Variants in DCC observed in about 807,000 individuals in gnomAD.
DCC encodes the protein DCC netrin 1 receptor.
DCC carries 58 observed loss-of-function variants against 172.5 expected under a neutral mutation model. That is an observed-to-expected ratio of 0.34 (90% CI 0.27 to 0.42). DCC has a LOEUF of 0.42. Ranked by LOEUF, DCC falls within the 10% of genes least tolerant of loss-of-function variation. The pLI is 1.00. For synonymous variants in DCC, 709 were observed against 644.5 expected, an observed-to-expected ratio of 1.10 and a Z score of -1.52; for missense variants, 1,740 against 1,791.0, an observed-to-expected ratio of 0.97 and a Z score of 0.51.
chr18:52,730,474 A>G (rs938189693), intron 1 of DCC, among the ~76,000 whole-genome samples: 1 of 152,196 alleles, frequency 6.6e-6, no homozygotes, highest in African/African-American at 2.4e-5. Flanking sequence ...AAATACCTAT[A>G]TATCACCATG....
At chr18:52,830,015 A>C (rs1323119219) in intron 2 of DCC, among the ~76,000 whole-genome samples, 3 of 152,098 alleles carry the variant, frequency 2.0e-5, no homozygotes, top group African/African-American at 7.2e-5. Flanking sequence ...AGATTTCTGG[A>C]GGGATGATGC....
chr18:53,425,904 C>G (rs948621093), intron 21 of DCC, among the ~76,000 whole-genome samples: 1 of 152,078 alleles, frequency 6.6e-6, no homozygotes, highest in African/African-American at 2.4e-5. Context: ...AATAATCTTT[C>G]TAAAATATAT....
chr18:52,777,769 G>A (rs1286515786), intron 2 of DCC, among the ~76,000 whole-genome samples: 1 of 141,852 alleles, frequency 7.0e-6, no homozygotes, highest in African/African-American at 2.6e-5. Flanking sequence ...AGATCTCCAG[G>A]GAAAAAAAAA....
At chr18:52,648,854 T>C (rs1057460538) in intron 1 of DCC, among the ~76,000 whole-genome samples, 4 of 152,198 alleles carry the variant, frequency 2.6e-5, no homozygotes, top group Non-Finnish European at 4.4e-5. Context: ...CCCTTTATCA[T>C]GCAATTTTGC....
chr18:53,499,058 C>T (rs1391854276), intron 26 of DCC, among the ~76,000 whole-genome samples: 3 of 152,174 alleles, frequency 2.0e-5, no homozygotes, highest in Non-Finnish European at 4.4e-5. Flanking sequence ...ATATATTTTA[C>T]TATTCTTTCT....
chr18:53,299,857 GTCCCAGTTTACCT>G (rs2057112141), intron 12 of DCC, among the ~76,000 whole-genome samples: 1 of 152,008 alleles, frequency 6.6e-6, no homozygotes, highest in African/African-American at 2.4e-5. Context: ...AACCATTCTT[GTCCCAGTTTACCT>G]GATTTTACAA....
chr18:52,901,230 T>A (rs975115633), intron 2 of DCC, among the ~76,000 whole-genome samples: 1 of 152,078 alleles, frequency 6.6e-6, no homozygotes, highest in Non-Finnish European at 1.5e-5. Context: ...GTCAGGAGTT[T>A]GAGACAAGCC....
chr18:53,358,718 C>T (rs1285311078), intron 15 of DCC, among the ~76,000 whole-genome samples: 1 of 151,826 alleles, frequency 6.6e-6, no homozygotes, highest in Admixed American at 6.6e-5. Flanking sequence ...GATGAGGTTT[C>T]ACCATGTTGG....
At chr18:53,103,305 AG>A (rs1305821296) in intron 7 of DCC, among the ~76,000 whole-genome samples, 1 of 152,108 alleles carries the variant, frequency 6.6e-6, no homozygotes, top group African/African-American at 2.4e-5. Context: ...GAGGTTCAAA[AG>A]AATAGGGGAA....
intron 12 of DCC, among the ~76,000 whole-genome samples, chr18:53,267,201 G>A (rs886602548): frequency 6.6e-6 from 1 of 151,544 alleles, no homozygotes; most frequent in Non-Finnish European, 1.5e-5. Context: ...GACAGACATA[G>A]ACACAGACAC....
intron 25 of DCC, chr18:53,481,084 GAA>G (rs2045826305): frequency 6.6e-6 from 1 of 152,306 alleles, no homozygotes; most frequent in South Asian, 2.1e-4. Flanking sequence ...CTAAAATAGA[GAA>G]GAGAGGAGAG....
At chr18:53,074,914 A>G (rs1230199589) in intron 7 of DCC, among the ~76,000 whole-genome samples, 1 of 152,204 alleles carries the variant, frequency 6.6e-6, no homozygotes, top group East Asian at 1.9e-4. Flanking sequence ...TGTAAAATTC[A>G]GTAGATAATT....
intron 1 of DCC, among the ~76,000 whole-genome samples, chr18:52,447,331 AATC>A (rs1363876093): frequency 6.6e-6 from 1 of 152,222 alleles, no homozygotes; most frequent in Non-Finnish European, 1.5e-5. Context: ...GCCTTCAATA[AATC>A]ATCATAGTTG....
chr18:53,065,875 A>T (rs1365515684), intron 6 of DCC, among the ~76,000 whole-genome samples, 171 bp from the exon 7 acceptor site: 1 of 152,122 alleles, frequency 6.6e-6, no homozygotes, highest in Non-Finnish European at 1.5e-5. Flanking sequence ...TTGGGAAGGT[A>T]TGACTTTTCC....
chr18:52,401,939 A>G (rs1030208132), intron 1 of DCC, among the ~76,000 whole-genome samples: 3 of 151,988 alleles, frequency 2.0e-5, no homozygotes, highest in Admixed American at 6.6e-5. Flanking sequence ...CATTAATACA[A>G]CGAACTGCCT....
At chr18:53,439,763 A>ATTTTTTTT (rs1912149119) in intron 22 of DCC, among the ~76,000 whole-genome samples, 5 of 112,398 alleles carry the variant, frequency 4.4e-5, no homozygotes, top group African/African-American at 5.5e-5. Context: ...ATGTAGTAGT[A>ATTTTTTTT]TTTTTCTTTT....
intron 2 of DCC, among the ~76,000 whole-genome samples, chr18:52,798,078 A>AAGGTTGCTTGCACGAAGGTTGATTGCACG (rs1202694637): frequency 6.7e-6 from 1 of 149,990 alleles, no homozygotes; most frequent in Non-Finnish European, 1.5e-5. Flanking sequence ...TTGCTTGCAC[A>AAGGTTGCTTGCACGAAGGTTGATTGCACG]AAGGCTACAC....
At chr18:53,113,713 CTT>C (rs11309009) in intron 7 of DCC, among the ~76,000 whole-genome samples, 10 of 149,886 alleles carry the variant, frequency 6.7e-5, no homozygotes, top group Admixed American at 3.3e-4. Context: ...CAAAAACCTG[CTT>C]TTTTTTTTAA....
intron 15 of DCC, among the ~76,000 whole-genome samples, chr18:53,356,729 C>G (rs2057882831): frequency 6.6e-6 from 1 of 152,088 alleles, no homozygotes; most frequent in Non-Finnish European, 1.5e-5. Flanking sequence ...TTAAGAGGGA[C>G]AAAATATCTG....
Sources: allele counts gnomAD v4.1 joint callset (sites outside exome capture counted in the v4.1 genomes callset), GRCh38; gene constraint gnomAD v4.1.1; transcripts MANE v1.5; gene names NCBI Gene and HGNC (gene_info 2026-07-23, HGNC 2026-07-21).